The following CHRM3 variants were observed in gnomAD, a reference collection of about 807,000 sequenced individuals.
The protein encoded by CHRM3 is cholinergic receptor muscarinic 3.
CHRM3 carries 11 observed loss-of-function variants against 41.8 expected under a neutral mutation model. The ratio of observed to expected loss-of-function variants is 0.26; its 90% CI spans 0.17 to 0.44. The LOEUF (loss-of-function observed/expected upper bound fraction) is 0.44. CHRM3 is among the 20% of genes least tolerant of loss of function. The pLI is 1.00. For missense variants in CHRM3, 571 were observed against 745.4 expected (o/e 0.77, Z 2.72); for synonymous variants, 297 against 301.4 (o/e 0.99, Z 0.15).
chr1:239,667,703 T>G (rs1673951776), intron 4 of CHRM3, among the ~76,000 whole-genome samples: 1 of 152,202 alleles, frequency 6.6e-6, no homozygotes, highest in Admixed American at 6.5e-5. Context: ...TGTCTAAATA[T>G]GTTCTGTGCT....
chr1:239,799,872 G>A (rs118040831), intron 5 of CHRM3, among the ~76,000 whole-genome samples: 2 of 152,302 alleles, frequency 1.3e-5, no homozygotes, highest in Admixed American at 6.5e-5. Context: ...ATGAGAGCAC[G>A]TTGGAAGCTT....
intron 5 of CHRM3, among the ~76,000 whole-genome samples, chr1:239,711,687 C>G (rs1334475603): frequency 6.7e-6 from 1 of 149,200 alleles, no homozygotes; most frequent in African/African-American, 2.5e-5. Flanking sequence ...CTCACTCTCT[C>G]TCTGCTTTTT....
rs182010564 is a variant in CHRM3, at chr1:239,713,591, A to T, written c.-147+35303A>T. ...TTGCACAAACACCAACATCACATTG[A>T]TGAGAAGCATCCCTCTATGTTGGGC... On this transcript the variant is annotated intron_variant, in intron 5 of 6. Transcript: ENST00000676153. Among the ~76,000 whole-genome samples the T allele has an allele frequency of 3.3e-5, 5 of 152,290 alleles. No individual in the cohort carries two copies. The East Asian group carries it at 9.7e-4, about 30-fold the overall frequency.
chr1:239,506,686 G>A (rs753697980), intron 2 of CHRM3, among the ~76,000 whole-genome samples: 2 of 152,118 alleles, frequency 1.3e-5, no homozygotes, highest in African/African-American at 2.4e-5. Context: ...GGGGGCCATC[G>A]TCCTCCAGAA....
chr1:239,724,037 A>G (rs1663215419), intron 5 of CHRM3, among the ~76,000 whole-genome samples: 1 of 151,798 alleles, frequency 6.6e-6, no homozygotes, highest in Non-Finnish European at 1.5e-5. Flanking sequence ...ATTCTCAAAT[A>G]TGCTTAAAAA....
chr1:239,799,310 C>G (rs1670026093), intron 5 of CHRM3, among the ~76,000 whole-genome samples: 1 of 152,034 alleles, frequency 6.6e-6, no homozygotes, highest in Admixed American at 6.5e-5. Context: ...GTGGGAAAGA[C>G]AGGTGGCTAG....
intron 2 of CHRM3, among the ~76,000 whole-genome samples, chr1:239,496,739 TA>T (rs2148105455): frequency 6.6e-6 from 1 of 152,264 alleles, no homozygotes; most frequent in South Asian, 2.1e-4. Context: ...TGAAGGTTTT[TA>T]AAAAGAATTT....
At chr1:239,620,541 G>A (rs1249094404) in intron 3 of CHRM3, among the ~76,000 whole-genome samples, 2 of 152,202 alleles carry the variant, frequency 1.3e-5, no homozygotes, top group Non-Finnish European at 2.9e-5. Context: ...CAGTTATGGT[G>A]AGGAAATAGG....
At chr1:239,874,505 A>G (rs1333959784) in intron 6 of CHRM3, among the ~76,000 whole-genome samples, 3 of 150,998 alleles carry the variant, frequency 2.0e-5, no homozygotes, top group Admixed American at 2.0e-4. Flanking sequence ...GACTTGAGTG[A>G]GTATTTGAGG....
At chr1:239,835,061 G>T (rs1273157313) in intron 6 of CHRM3, among the ~76,000 whole-genome samples, 1 of 152,164 alleles carries the variant, frequency 6.6e-6, no homozygotes, top group Admixed American at 6.5e-5. Context: ...TGAAGATTCA[G>T]GTAATGGGGC....
intron 5 of CHRM3, among the ~76,000 whole-genome samples, chr1:239,696,056 G>C (rs955281815): frequency 6.6e-6 from 1 of 152,134 alleles, no homozygotes; most frequent in African/African-American, 2.4e-5. Context: ...ACAATACAGA[G>C]AACATGTAAG....
At chr1:239,673,266 T>C (rs530168469) in intron 4 of CHRM3, among the ~76,000 whole-genome samples, 1 of 152,258 alleles carries the variant, frequency 6.6e-6, no homozygotes, top group Non-Finnish European at 1.5e-5. Context: ...GGTGAGAAGG[T>C]GAAATGTGCA....
intron 1 of CHRM3, among the ~76,000 whole-genome samples, chr1:239,407,337 A>G (rs1329033495): frequency 6.6e-6 from 1 of 151,324 alleles, no homozygotes; most frequent in Non-Finnish European, 1.5e-5. Context: ...CAAAATATAT[A>G]TTTATTTTTT....
At chr1:239,697,201 T>G (rs1156727293) in intron 5 of CHRM3, among the ~76,000 whole-genome samples, 1 of 152,088 alleles carries the variant, frequency 6.6e-6, no homozygotes, top group African/African-American at 2.4e-5. Context: ...AGGGACCTGG[T>G]GGGAGGTAAT....
At chr1:239,881,349 T>A (rs2581330) in intron 6 of CHRM3, among the ~76,000 whole-genome samples, 134,578 of 144,496 alleles carry the variant, frequency 0.93, 63,482 homozygotes, top group Middle Eastern at 1. Context: ...GCCTGTTGCG[T>A]GAGCTGCCAC....
chr1:239,819,361 G>A (rs1251879975), intron 5 of CHRM3, among the ~76,000 whole-genome samples: 1 of 152,142 alleles, frequency 6.6e-6, no homozygotes, highest in African/African-American at 2.4e-5. Flanking sequence ...CACATTCTGA[G>A]GTTTCCACTG....
intron 4 of CHRM3, among the ~76,000 whole-genome samples, chr1:239,658,610 A>T (rs909404217): frequency 1.3e-5 from 2 of 152,242 alleles, no homozygotes; most frequent in African/African-American, 4.8e-5. Context: ...CCAATCAATA[A>T]TAACTGACTG....
intron 6 of CHRM3, among the ~76,000 whole-genome samples, chr1:239,862,041 T>A (rs1675684592): frequency 6.6e-6 from 1 of 152,196 alleles, no homozygotes; most frequent in Non-Finnish European, 1.5e-5. Flanking sequence ...ATTAGGGGAA[T>A]GTCATGATAT....
chr1:239,562,465 AAAT>A (rs1283659508), intron 3 of CHRM3, among the ~76,000 whole-genome samples: 1 of 152,138 alleles, frequency 6.6e-6, no homozygotes, highest in African/African-American at 2.4e-5. Flanking sequence ...TTCACCATAA[AAAT>A]AAAAGGATTG....
Sources: gnomAD v4.1 joint callset for allele counts (sites outside exome capture counted in the v4.1 genomes callset) on GRCh38, gnomAD v4.1.1 for gene constraint, MANE v1.5 for transcripts, NCBI Gene and HGNC (gene_info 2026-07-23, HGNC 2026-07-21) for gene names.